TTC39A: variants seen among roughly 807,000 people sequenced by gnomAD.
TTC39A encodes tetratricopeptide repeat protein 39A.
Under a neutral mutation model 82.3 loss-of-function variants are expected in TTC39A, and 46 were observed. The observed-to-expected ratio is 0.56, with a 90% CI of 0.44 to 0.71. The LOEUF (loss-of-function observed/expected upper bound fraction) is 0.71, where lower values mean the gene tolerates loss of function less well. Among genes scored for constraint, TTC39A ranks in the 30% least tolerant of loss-of-function variants. The pLI is 0.00. For synonymous variants in TTC39A, 254 were observed against 275.2 expected (o/e 0.92, Z 0.76); for missense variants, 543 against 712.9 (o/e 0.76, Z 2.71).
chr1:51,300,278 G>A (rs981306141), intron 12 of TTC39A: 1 of 152,348 alleles, frequency 6.6e-6, no homozygotes, highest in African/African-American at 2.4e-5. Flanking sequence ...TGAGAGCTCA[G>A]TAGAAGCCTG....
chr1:51,344,122 G>A (rs1646068221), intron 1 of TTC39A, among the ~76,000 whole-genome samples: 1 of 152,208 alleles, frequency 6.6e-6, no homozygotes, highest in Non-Finnish European at 1.5e-5. Context: ...CAGGTTTCGG[G>A]CTTGGGCAAC....
At chr1:51,332,545 A>G (rs1645926608), upstream of TTC39A, among the ~76,000 whole-genome samples, 1 of 152,246 alleles carries the variant, frequency 6.6e-6, no homozygotes, top group Non-Finnish European at 1.5e-5. Flanking sequence ...GGCGTAAGCC[A>G]CCGCGCCCGG....
Position 51,287,971 on chromosome 1 carries a change from G to A in TTC39A, c.*186C>T, listed in dbSNP as rs893488977. On this transcript the variant is annotated 3_prime_UTR_variant, in exon 18 of 18. Transcript: ENST00000680483. ...CTCCACCTGCTCTGCCCTTGGCAAA[G>A]GCCCTTGGCTACACTGGTGAAAATG... 3 of 921,292 alleles carry A rather than the reference G, an allele frequency of 3.3e-6. No homozygotes were observed. The Admixed American group carries it at 8.7e-5, about 27-fold the overall frequency. 57.1% of individuals were successfully genotyped at this position (921,292 alleles called of 1,614,324 possible).
chr1:51,302,864 C>G (rs939804450), intron 9 of TTC39A, among the ~76,000 whole-genome samples: 1 of 152,196 alleles, frequency 6.6e-6, no homozygotes, highest in Non-Finnish European at 1.5e-5. Flanking sequence ...GCACAACCAC[C>G]CCCATTTCAC....
chr1:51,314,721 G>C (rs1645219533), intron 2 of TTC39A, among the ~76,000 whole-genome samples: 1 of 152,124 alleles, frequency 6.6e-6, no homozygotes, highest in Admixed American at 6.5e-5. Flanking sequence ...GCCAGAACCA[G>C]GTTTCAGAGT....
intron 2 of TTC39A, among the ~76,000 whole-genome samples, chr1:51,318,312 C>CTCAGTTT (rs1446862125): frequency 6.6e-6 from 1 of 152,144 alleles, no homozygotes; most frequent in Admixed American, 6.5e-5. Context: ...GCTGGAGAGC[C>CTCAGTTT]TTCCAAGAAA....
chr1:51,318,262 C>A (rs1391455928), intron 2 of TTC39A, among the ~76,000 whole-genome samples: 1 of 152,084 alleles, frequency 6.6e-6, no homozygotes, highest in Non-Finnish European at 1.5e-5. Context: ...GGGGTCCAGG[C>A]TCGAGTGAGT....
chr1:51,314,274 T>C (rs1645200109), intron 2 of TTC39A, among the ~76,000 whole-genome samples: 1 of 152,208 alleles, frequency 6.6e-6, no homozygotes, highest in East Asian at 1.9e-4. Context: ...TTAACATGTC[T>C]GGGCCTAGAT....
Position 51,296,104 on chromosome 1 carries a change from C to A in TTC39A, c.1120G>T (p.Gly374Trp). ...MFGKEDHKPF[G>W]DDEVELFRAV... is the part of the protein sequence containing the mutation. ...CGAAATAATTCCACTTCGTCGTCCC[C>A]GAACGGCTTGTGGTCCTCCTTCCCA... Residue 374 changes from glycine to tryptophan, a missense_variant, in exon 13 of 18, where the codon GGG becomes TGG. Coordinates refer to ENST00000680483, the MANE Select transcript of TTC39A (RefSeq NM_001297663.2). 6.3e-7 allele frequency: 1 copy of A among 1,597,060 alleles called. No homozygotes were observed. Among genetic ancestry groups the A allele is most frequent in the Non-Finnish European group, 8.5e-7 (1 of 1,171,772 alleles).
At chr1:51,291,136 CTCTTAAAACACA>C (rs1305450737) in intron 14 of TTC39A, among the ~76,000 whole-genome samples, 2 of 152,190 alleles carry the variant, frequency 1.3e-5, no homozygotes, top group African/African-American at 2.4e-5. Flanking sequence ...ATCATTGAGA[CTCTTAAAACACA>C]TCTGATTCCT....
chr1:51,317,019 G>A (rs553924262), intron 2 of TTC39A, among the ~76,000 whole-genome samples: 1 of 152,300 alleles, frequency 6.6e-6, no homozygotes, highest in Admixed American at 6.5e-5. Flanking sequence ...GAGACAGTGC[G>A]TCAGGTCAGA....
chr1:51,312,031 G>T, intron 4 of TTC39A, 88 bp downstream of exon 4: 2 of 1,387,330 alleles, frequency 1.4e-6, no homozygotes, highest in Non-Finnish European at 9.9e-7. Flanking sequence ...CCCCCTAGGC[G>T]ATGACAGGGA....
chr1:51,301,286 T>C, intron 12 of TTC39A: 1 of 305,412 alleles, frequency 3.3e-6, no homozygotes, highest in South Asian at 9.8e-5. Context: ...ACTACCATAT[T>C]TGGGCAGTGC....
intron 5 of TTC39A, among the ~76,000 whole-genome samples, chr1:51,310,241 A>T (rs1352257735): frequency 6.6e-6 from 1 of 152,150 alleles, no homozygotes; most frequent in Non-Finnish European, 1.5e-5. Context: ...CGTCTCAACA[A>T]CAACAACAAC....
rs1172426353 is a variant in TTC39A, at chr1:51,330,249, T to A, written c.41+188A>T. 2.1e-6 allele frequency: 2 copies of A among 974,910 alleles called. No homozygotes were observed. The highest frequency in any genetic ancestry group is 2.4e-6 in the Non-Finnish European group (2 of 820,516). The allele number at this position is 974,910 out of a possible 1,614,324, so 60.4% of individuals were successfully genotyped here. ...GACCCGGGGTCCCCGCGCCTCCGCCTCCTCACAGCCCCCTGCCCCCACTCC... is the reference window on the plus strand; with the variant it reads ...GACCCGGGGTCCCCGCGCCTCCGCCACCTCACAGCCCCCTGCCCCCACTCC... On this transcript the variant is annotated intron_variant, in intron 1 of 17. Coordinates refer to ENST00000680483, the MANE Select transcript of TTC39A (RefSeq NM_001297663.2). This position sits in a 1 kb window ranked among gnomAD's most constrained non-coding sequence, Gnocchi z 4.5.
chr1:51,301,484 T>C, intron 12 of TTC39A, 88 bp downstream of exon 12: 1 of 1,455,040 alleles, frequency 6.9e-7, no homozygotes, highest in Non-Finnish European at 9.3e-7. Flanking sequence ...CTGAGACATC[T>C]GTGTTCAGTT....
chr1:51,290,564 C>T lies in TTC39A; in HGVS notation c.1328G>A (p.Gly443Glu), dbSNP rs567748609. 3 of 1,613,850 alleles carry T rather than the reference C, an allele frequency of 1.9e-6. No homozygotes were observed. The highest frequency in any genetic ancestry group is 3.3e-5 in the Admixed American group (2 of 59,996). ...AGCCTTAGTGATAATCTCAAGTATC[C>T]CATCCGTGAGTTTCGGCTGCTTCCC... ...VIGKQPKLTD[G>E]ILEIITKAEE... The change falls in exon 15 of 18, where the codon GGG becomes GAG. Residue 443 changes from glycine (G) to glutamate (E), a missense_variant. Transcript: ENST00000680483.
At chr1:51,290,904 T>C (rs1644187017) in intron 14 of TTC39A, among the ~76,000 whole-genome samples, 1 of 152,224 alleles carries the variant, frequency 6.6e-6, no homozygotes, top group South Asian at 2.1e-4. Flanking sequence ...GTTTTCCAGC[T>C]ATTTTCCTGC....
In TTC39A at chr1:51,317,212, C is replaced by T. The variant is rs562099395; in HGVS notation, c.147-4269G>A. On this transcript the variant is annotated intron_variant, in intron 2 of 17. Coordinates refer to ENST00000680483, the MANE Select transcript of TTC39A (RefSeq NM_001297663.2). ...CAATTAAACGAGACAATGTGTGCAGCGAAGAACAGCGAATGACACTGGGCC... is the reference window on the plus strand; with the variant it reads ...CAATTAAACGAGACAATGTGTGCAGTGAAGAACAGCGAATGACACTGGGCC... 8.5e-5 allele frequency among the ~76,000 whole-genome samples: 13 copies of T among 152,308 alleles called. No individual in the cohort carries two copies. In the South Asian group the frequency reaches 2.5e-3, roughly 29 times the overall value.
Sources: gnomAD v4.1 joint callset for allele counts (sites outside exome capture counted in the v4.1 genomes callset) on GRCh38, gnomAD v4.1.1 for gene constraint, Gnocchi (gnomAD v3.1) non-coding constraint, MANE v1.5 for transcripts, NCBI Gene and HGNC (gene_info 2026-07-23, HGNC 2026-07-21) for gene names.